The following RBFOX1 variants were observed in gnomAD, a reference collection of about 807,000 sequenced individuals.
RBFOX1 encodes RNA binding fox-1 homolog 1, also known as RNA binding protein fox-1 homolog 1.
RBFOX1 carries 8 observed loss-of-function variants against 57.7 expected under a neutral mutation model. That is an observed-to-expected ratio of 0.14 (90% confidence interval 0.08 to 0.25). The LOEUF is 0.25. Among genes scored for constraint, RBFOX1 ranks in the 10% least tolerant of loss-of-function variants. The probability of loss-of-function intolerance (pLI) is 1.00; values close to 1 mark genes in which losing one functional copy is unlikely to be tolerated. For missense variants in RBFOX1, 611 were observed against 548.5 expected, an observed-to-expected ratio of 1.11 and a Z score of -1.14; for synonymous variants, 326 against 222.4, an observed-to-expected ratio of 1.47 and a Z score of -4.15.
At chr16:5,859,700 G>T (rs1236193034) in intron 3 of RBFOX1, among the ~76,000 whole-genome samples, 1 of 152,172 alleles carries the variant, frequency 6.6e-6, no homozygotes, top group Non-Finnish European at 1.5e-5. Context: ...ATATTGTTTT[G>T]CTTCTTACAG....
intron 1 of RBFOX1, among the ~76,000 whole-genome samples, chr16:5,315,608 T>C (rs2064215153): frequency 6.6e-6 from 1 of 152,210 alleles, no homozygotes; most frequent in South Asian, 2.1e-4. Flanking sequence ...CTGATGTTTG[T>C]GTAGCAGGGA....
rs144506382 is a variant in RBFOX1, at chr16:7,462,810, A to C, written c.28-55337A>C. On this transcript the variant is annotated intron_variant, in intron 4 of 15. Transcript: ENST00000550418. ...CTTCTCCTGCTGTCCAGCGACAGCTACTCGAGTCTCTTTTTGCTTTGAATC... is the reference window on the plus strand; with the variant it reads ...CTTCTCCTGCTGTCCAGCGACAGCTCCTCGAGTCTCTTTTTGCTTTGAATC... 1.8e-3 allele frequency among the ~76,000 whole-genome samples: 274 copies of C among 152,202 alleles called. 1 individual carries two copies. The highest frequency in any genetic ancestry group is 6.8e-3 in the Middle Eastern group (2 of 294).
At chr16:5,925,281 G>C (rs2058917612) in intron 4 of RBFOX1, among the ~76,000 whole-genome samples, 1 of 152,178 alleles carries the variant, frequency 6.6e-6, no homozygotes, top group Non-Finnish European at 1.5e-5. Context: ...CAAGTGAACA[G>C]ACAAAATGCT....
intron 5 of RBFOX1, among the ~76,000 whole-genome samples, chr16:7,532,049 C>T (rs1457375217): frequency 6.6e-6 from 1 of 151,902 alleles, no homozygotes; most frequent in African/African-American, 2.4e-5. Flanking sequence ...TTGTATTTGA[C>T]TTCTGCATTT....
intron 2 of RBFOX1, among the ~76,000 whole-genome samples, chr16:5,475,532 C>T (rs1401261895): frequency 6.6e-6 from 1 of 152,226 alleles, no homozygotes; most frequent in African/African-American, 2.4e-5. Context: ...ACCTTCAGAG[C>T]CAGCTAAATG....
chr16:7,086,293 T>G (rs1187338350), intron 4 of RBFOX1, among the ~76,000 whole-genome samples: 1 of 152,226 alleles, frequency 6.6e-6, no homozygotes, highest in Non-Finnish European at 1.5e-5. Context: ...CAGTTTTCTC[T>G]GTGTGCCATG....
At position 6,916,356 on chromosome 16, in the gene RBFOX1, C is replaced by G. The variant is rs115782331; in HGVS notation, c.-15-135701C>G. On this transcript the variant is annotated intron_variant, in intron 3 of 15. Transcript: ENST00000550418. ...TACCTTTTTGCTATTATGGCTAATG[C>G]TGCTTTGGACCTCTGTGCATGGGGT... Among the ~76,000 whole-genome samples, 1,443 of 152,198 alleles carry G rather than the reference C, an allele frequency of 9.5e-3. 24 individuals carry two copies. Among genetic ancestry groups the G allele is most frequent in the African/African-American group, 0.032 (1,343 of 41,522 alleles).
intron 3 of RBFOX1, among the ~76,000 whole-genome samples, chr16:5,831,115 T>A (rs1016722199): frequency 6.6e-6 from 1 of 152,220 alleles, no homozygotes; most frequent in Non-Finnish European, 1.5e-5. Flanking sequence ...AGGCATTTGA[T>A]GTGGTTTGGA....
At chr16:5,646,386 A>G (rs1437717244) in intron 3 of RBFOX1, among the ~76,000 whole-genome samples, 1 of 151,556 alleles carries the variant, frequency 6.6e-6, no homozygotes, top group Non-Finnish European at 1.5e-5. Context: ...CAGTCCTCCT[A>G]CCTCGGCCTC....
chr16:6,048,945 T>A (rs531938741), intron 1 of RBFOX1, among the ~76,000 whole-genome samples: 1 of 152,104 alleles, frequency 6.6e-6, no homozygotes, highest in African/African-American at 2.4e-5. Context: ...TGACTCAGAC[T>A]GGGGTTTCCC....
intron 3 of RBFOX1, among the ~76,000 whole-genome samples, chr16:5,819,693 G>C (rs956531291): frequency 6.6e-6 from 1 of 152,176 alleles, no homozygotes; most frequent in African/African-American, 2.4e-5. Flanking sequence ...CCCACTGCCT[G>C]GAATACCCTT....
intron 1 of RBFOX1, among the ~76,000 whole-genome samples, chr16:5,455,021 T>TTCTCTC (rs1217706493): frequency 8.0e-5 from 9 of 113,170 alleles, no homozygotes; most frequent in African/African-American, 2.4e-4. Flanking sequence ...CTTTCTTTCT[T>TTCTCTC]TCTCTCTCTC....
At chr16:7,100,878 A>T (rs1392164433) in intron 4 of RBFOX1, among the ~76,000 whole-genome samples, 1 of 152,216 alleles carries the variant, frequency 6.6e-6, no homozygotes, top group African/African-American at 2.4e-5. Context: ...ATGCTTGTGA[A>T]GTTAAACTGC....
At chr16:7,341,753 T>TC in intron 4 of RBFOX1, among the ~76,000 whole-genome samples, 1 of 62,150 alleles carries the variant, frequency 1.6e-5, no homozygotes, top group Admixed American at 2.5e-4. Context: ...CCTCCCTCCC[T>TC]CCTTCCCTCC....
intron 4 of RBFOX1, among the ~76,000 whole-genome samples, chr16:7,122,040 A>T (rs918458570): frequency 6.6e-6 from 1 of 152,094 alleles, no homozygotes; most frequent in Non-Finnish European, 1.5e-5. Flanking sequence ...AAAACGTAGA[A>T]CTGTAAAGTT....
intron 4 of RBFOX1, among the ~76,000 whole-genome samples, chr16:7,486,117 CTTTTTTTTTT>C (rs61448458): frequency 2.2e-4 from 17 of 77,340 alleles, no homozygotes; most frequent in Non-Finnish European, 3.3e-4. Context: ...GTGTTTGTGT[CTTTTTTTTTT>C]TTTTTTTTTT....
chr16:7,103,226 T>C (rs1044867194), intron 4 of RBFOX1, among the ~76,000 whole-genome samples: 3 of 152,202 alleles, frequency 2.0e-5, no homozygotes, highest in African/African-American at 7.2e-5. Context: ...AATGACCTCA[T>C]TCTTTTGCAT....
At chr16:6,458,551 A>G (rs2094833055) in intron 2 of RBFOX1, among the ~76,000 whole-genome samples, 1 of 152,206 alleles carries the variant, frequency 6.6e-6, no homozygotes, top group Non-Finnish European at 1.5e-5. Flanking sequence ...GAGAATACAG[A>G]CAAACCAGGC....
chr16:5,241,209 C>T (rs1180412934), intron 1 of RBFOX1, among the ~76,000 whole-genome samples: 2 of 152,184 alleles, frequency 1.3e-5, no homozygotes, highest in Non-Finnish European at 2.9e-5. Context: ...GGGAGGCTTG[C>T]TCCTGGTGAC....
Sources: gnomAD v4.1 joint callset for allele counts (sites outside exome capture counted in the v4.1 genomes callset) on GRCh38, gnomAD v4.1.1 for gene constraint, MANE v1.5 for transcripts, NCBI Gene and HGNC (gene_info 2026-07-23, HGNC 2026-07-21) for gene names.